PITPNC1: variants seen among roughly 807,000 people sequenced by gnomAD.
PITPNC1 encodes cytoplasmic phosphatidylinositol transfer protein 1.
A neutral mutation model predicts 44.7 loss-of-function variants in PITPNC1; 18 were observed. The observed-to-expected ratio is 0.40, with a 90% confidence interval of 0.28 to 0.60. The LOEUF is 0.60. Among genes scored for constraint, PITPNC1 ranks in the 20% least tolerant of loss-of-function variants. PITPNC1 has a pLI of 0.39. For synonymous variants in PITPNC1, 141 were observed against 149.6 expected (o/e 0.94, Z 0.42); for missense variants, 290 against 418.4 (o/e 0.69, Z 2.68).
chr17:67,402,632 C>T (rs1257701549), intron 1 of PITPNC1, among the ~76,000 whole-genome samples: 1 of 152,092 alleles, frequency 6.6e-6, no homozygotes, highest in Non-Finnish European at 1.5e-5. Flanking sequence ...TGAATGGCAT[C>T]CACTAGTTTC....
chr17:67,531,104 G>A (rs1000759562), intron 1 of PITPNC1, among the ~76,000 whole-genome samples: 1 of 151,084 alleles, frequency 6.6e-6, no homozygotes, highest in African/African-American at 2.5e-5. Context: ...TTAGCTGGGC[G>A]TGCTGGTGCG....
chr17:67,579,642 T>TC (rs1555669957), intron 5 of PITPNC1, among the ~76,000 whole-genome samples: 74 of 119,368 alleles, frequency 6.2e-4, no homozygotes, highest in African/African-American at 2.7e-3. Flanking sequence ...TTTTTTTTTT[T>TC]CTGATTAGAA....
At chr17:67,506,828 A>G (rs1416412264) in intron 1 of PITPNC1, among the ~76,000 whole-genome samples, 1 of 152,222 alleles carries the variant, frequency 6.6e-6, no homozygotes, top group Non-Finnish European at 1.5e-5. Flanking sequence ...GCACATTTCA[A>G]AGTAATATAT....
At chr17:67,510,535 G>A (rs543213262) in intron 1 of PITPNC1, among the ~76,000 whole-genome samples, 3 of 152,274 alleles carry the variant, frequency 2.0e-5, no homozygotes, top group African/African-American at 7.2e-5. Context: ...CTACTCAAGA[G>A]GGCGCCCTTG....
Position 67,578,197 on chromosome 17 carries a change from G to A in PITPNC1, c.306G>A (p.Leu102=). The A allele has an allele frequency of 1.2e-6, 2 of 1,611,048 alleles. No homozygotes were observed. The highest frequency in any genetic ancestry group is 1.7e-6 in the Non-Finnish European group (2 of 1,177,436). Residue 102 remains leucine (L), a synonymous_variant, in exon 5 of 9, where the codon CTG becomes CTA. Coordinates refer to ENST00000581322, the MANE Select transcript of PITPNC1 (RefSeq NM_012417.4). ...YTITEYTCSF[L]PKFSIHIETK... is the part of the protein sequence containing the mutation. ...CTTTTCTCCCACAGTGTTCCTTTCT[G>A]CCGAAATTCTCCATTCATATAGAAA...
chr17:67,582,526 T>A (rs764306793), intron 5 of PITPNC1, among the ~76,000 whole-genome samples: 2 of 152,056 alleles, frequency 1.3e-5, no homozygotes, highest in Non-Finnish European at 2.9e-5. Context: ...CGAGTACATG[T>A]TGTTATCCTA....
chr17:67,469,528 G>A (rs1016569018), intron 1 of PITPNC1, among the ~76,000 whole-genome samples: 1 of 152,142 alleles, frequency 6.6e-6, no homozygotes, highest in Non-Finnish European at 1.5e-5. Flanking sequence ...CCTCCTCAGC[G>A]TCCTGAGCCT....
intron 1 of PITPNC1, among the ~76,000 whole-genome samples, chr17:67,458,924 C>T (rs555031956): frequency 3.3e-5 from 5 of 152,096 alleles, no homozygotes; most frequent in Non-Finnish European, 4.4e-5. Flanking sequence ...TGGATCACCC[C>T]GCTTAAGGCT....
chr17:67,385,528 C>T (rs1017705889), intron 1 of PITPNC1, among the ~76,000 whole-genome samples: 2 of 141,156 alleles, frequency 1.4e-5, no homozygotes, highest in African/African-American at 5.1e-5. Flanking sequence ...GGAAGCTTTG[C>T]TCTTTTGCTG....
At chr17:67,403,216 TACAAA>T (rs1305505741) in intron 1 of PITPNC1, among the ~76,000 whole-genome samples, 1 of 10,118 alleles carries the variant, frequency 9.9e-5, no homozygotes, top group African/African-American at 4.4e-4. Flanking sequence ...ACCTCATCTC[TACAAA>T]AAAAAAAAAA....
intron 1 of PITPNC1, among the ~76,000 whole-genome samples, chr17:67,476,281 G>C (rs1385760766): frequency 6.7e-6 from 1 of 149,590 alleles, no homozygotes; most frequent in Non-Finnish European, 1.5e-5. Context: ...TGTCCCCCCA[G>C]GTTCAAGTGA....
At chr17:67,420,229 C>T (rs982286808) in intron 1 of PITPNC1, among the ~76,000 whole-genome samples, 5 of 152,082 alleles carry the variant, frequency 3.3e-5, no homozygotes, top group African/African-American at 1.2e-4. Flanking sequence ...GCAGGGTTCT[C>T]AGGAATTACT....
At chr17:67,433,826 G>C (rs1852867313) in intron 1 of PITPNC1, among the ~76,000 whole-genome samples, 2 of 152,132 alleles carry the variant, frequency 1.3e-5, no homozygotes, top group South Asian at 2.1e-4. Flanking sequence ...CCAGCAGTCT[G>C]AGACTAGCGT....
chr17:67,596,627 C>T (rs983214821), intron 5 of PITPNC1, among the ~76,000 whole-genome samples: 6 of 152,116 alleles, frequency 3.9e-5, no homozygotes, highest in African/African-American at 9.7e-5. Context: ...TCTCCTGCCT[C>T]GGCCTCCTGA....
intron 5 of PITPNC1, among the ~76,000 whole-genome samples, chr17:67,599,638 T>C (rs774326715): frequency 2.7e-4 from 41 of 152,118 alleles, no homozygotes; most frequent in Non-Finnish European, 5.1e-4. Context: ...ACACAGAATT[T>C]AAAAGGTCCT....
chr17:67,377,991 G>A lies in PITPNC1; in HGVS notation c.-164G>A. On this transcript the variant is annotated 5_prime_UTR_variant, in exon 1 of 9. Coordinates refer to ENST00000581322, the MANE Select transcript of PITPNC1 (RefSeq NM_012417.4). Reference sequence around the variant, plus strand: ...GACCCAAACCCTGACATGCTCTGGGGCGGAGAGGAGGAAGCCAGGAGCTGA... The same window carrying A: ...GACCCAAACCCTGACATGCTCTGGGACGGAGAGGAGGAAGCCAGGAGCTGA... 8.9e-6 allele frequency: 4 copies of A among 450,426 alleles called. No individual in the cohort carries two copies. Among genetic ancestry groups the A allele is most frequent in the Non-Finnish European group, 1.5e-5 (4 of 259,012 alleles). 27.9% of individuals were successfully genotyped at this position (450,426 alleles called of 1,614,324 possible).
intron 3 of PITPNC1, chr17:67,553,352 A>G (rs750342685): frequency 6.2e-6 from 2 of 321,236 alleles, no homozygotes; most frequent in African/African-American, 2.1e-5. Context: ...TTGGTTTTTA[A>G]TTAGCCACAA....
intron 5 of PITPNC1, among the ~76,000 whole-genome samples, chr17:67,587,264 A>C (rs2144249417): frequency 6.6e-6 from 1 of 151,800 alleles, no homozygotes; most frequent in African/African-American, 2.4e-5. Flanking sequence ...AAGCAGGAGG[A>C]TCGCTTGCAC....
At chr17:67,550,721 G>T (rs2040749429) in intron 2 of PITPNC1, among the ~76,000 whole-genome samples, 1 of 152,094 alleles carries the variant, frequency 6.6e-6, no homozygotes, top group African/African-American at 2.4e-5. Context: ...GTAGCAAATG[G>T]TAGCCTCTGG....
Sources: gnomAD v4.1 joint callset for allele counts (sites outside exome capture counted in the v4.1 genomes callset) on GRCh38, gnomAD v4.1.1 for gene constraint, MANE v1.5 for transcripts, NCBI Gene and HGNC (gene_info 2026-07-23, HGNC 2026-07-21) for gene names.